DOCK1: variants seen among roughly 807,000 people sequenced by gnomAD.
DOCK1 encodes dedicator of cytokinesis protein 1.
In DOCK1, 138 loss-of-function variants were observed where a neutral mutation model predicts 262.7. The ratio of observed to expected loss-of-function variants is 0.53; its 90% CI spans 0.46 to 0.61. DOCK1 has a LOEUF of 0.61. DOCK1 is among the 20% of genes least tolerant of loss of function. The pLI is 0.00. For synonymous variants in DOCK1, 866 were observed against 867.4 expected (o/e 1.00, Z 0.03); for missense variants, 1,908 against 2,370.7 (o/e 0.80, Z 4.05).
In DOCK1 at chr10:127,167,924, G is replaced by T. The variant is rs561688131; in HGVS notation, c.2847+40160G>T. ...CTCCCTGAATCTTAGCACTTGGAGG[G>T]TTGCTTCCCAGTAGCAAAGTAACCT... On this transcript the variant is annotated intron_variant, in intron 27 of 51. Transcript: ENST00000623213. 7.2e-5 allele frequency among the ~76,000 whole-genome samples: 11 copies of T among 152,294 alleles called. No individual in the cohort carries two copies. The South Asian group carries it at 2.1e-3, about 29-fold the overall frequency.
intron 1 of DOCK1, among the ~76,000 whole-genome samples, chr10:126,922,337 AG>A (rs1035875141): frequency 2.6e-5 from 4 of 152,036 alleles, no homozygotes; most frequent in Admixed American, 2.0e-4. Context: ...TCATGGCAGA[AG>A]GGGAAGGGAG....
chr10:127,354,593 A>G, intron 31 of DOCK1, 76 bp from the exon 32 acceptor site: 1 of 1,569,532 alleles, frequency 6.4e-7, no homozygotes, highest in Non-Finnish European at 8.7e-7. Context: ...CTTTAATTGC[A>G]CTTAAAAATA....
At position 127,361,540 on chromosome 10, in the gene DOCK1, C is replaced by T. The variant is rs530364381; in HGVS notation, c.3284-524C>T. ...ATTTACTTTGATTGGAGTCGTTTGG[C>T]ATGTTGCAGAAATCACCCTGCATTA... On this transcript the variant is annotated intron_variant, in intron 32 of 51. Transcript: ENST00000623213. 2.6e-5 allele frequency among the ~76,000 whole-genome samples: 4 copies of T among 152,232 alleles called. No homozygotes were observed. The East Asian group carries it at 7.7e-4, about 29-fold the overall frequency.
intron 27 of DOCK1, among the ~76,000 whole-genome samples, chr10:127,190,847 C>T (rs151028543): frequency 1.4e-3 from 217 of 152,094 alleles, no homozygotes; most frequent in African/African-American, 4.8e-3. Context: ...CCCAGTGCTA[C>T]TGAGACTGGC....
intron 23 of DOCK1, among the ~76,000 whole-genome samples, chr10:127,101,957 T>A (rs2048279695): frequency 6.6e-6 from 1 of 151,936 alleles, no homozygotes; most frequent in Non-Finnish European, 1.5e-5. Context: ...AAAGCAACAC[T>A]GAGGTTGTGG....
chr10:127,275,846 G>GTAATT (rs2135228410), intron 29 of DOCK1, among the ~76,000 whole-genome samples: 1 of 152,264 alleles, frequency 6.6e-6, no homozygotes, highest in South Asian at 2.1e-4. Context: ...TAGTGAGAAG[G>GTAATT]GGTGCAGAGA....
rs368628631 is a variant in DOCK1, at chr10:127,091,955, C to T, written c.2446-14276C>T. ...GGAACCTGAGGGCCGGGATGAATTT[C>T]AGGATAAAAAGAGCAGACTTAGGGA... On this transcript the variant is annotated intron_variant, in intron 23 of 51. Coordinates refer to ENST00000623213, the MANE Select transcript of DOCK1 (RefSeq NM_001290223.2). Among the ~76,000 whole-genome samples the T allele has an allele frequency of 3.3e-5, 5 of 152,184 alleles. No homozygotes were observed. In the South Asian group the frequency reaches 6.2e-4, roughly 19 times the overall value.
chr10:127,098,945 A>G (rs2048071239), intron 23 of DOCK1, among the ~76,000 whole-genome samples: 2 of 152,188 alleles, frequency 1.3e-5, no homozygotes, highest in Admixed American at 1.3e-4. Context: ...AATCCAAAAC[A>G]CTTGAAACTC....
At chr10:127,206,161 T>TG (rs941053750) in intron 27 of DOCK1, among the ~76,000 whole-genome samples, 1 of 125,756 alleles carries the variant, frequency 8.0e-6, no homozygotes, top group Non-Finnish European at 1.7e-5. Context: ...TTTTTTTTTT[T>TG]GTGACAGAGT....
chr10:126,910,910 C>T (rs574423516), intron 1 of DOCK1, among the ~76,000 whole-genome samples: 2 of 152,268 alleles, frequency 1.3e-5, no homozygotes, highest in Non-Finnish European at 2.9e-5. Context: ...CTTTTCTTTG[C>T]TGAGTATCAT....
rs143515774 is a variant in DOCK1 at position 127,412,966 on chromosome 10, C to T, written c.4428+2042C>T. On this transcript the variant is annotated intron_variant, in intron 43 of 51. Coordinates refer to ENST00000623213, the MANE Select transcript of DOCK1 (RefSeq NM_001290223.2). ...CCTCCAGGACTGGTCACTACAGTGT[C>T]CATTGTCTGCAACAGTGCGGGCAGA... 2.5e-3 allele frequency among the ~76,000 whole-genome samples: 385 copies of T among 152,322 alleles called. 2 individuals carry two copies. The highest frequency in any genetic ancestry group is 0.01 in the Middle Eastern group (3 of 294).
intron 27 of DOCK1, among the ~76,000 whole-genome samples, chr10:127,212,030 AC>A (rs1283414490): frequency 3.2e-4 from 48 of 152,346 alleles, no homozygotes; most frequent in African/African-American, 1.1e-3. Context: ...TTCTTGAAGG[AC>A]TTGATGCTTT....
intron 27 of DOCK1, among the ~76,000 whole-genome samples, chr10:127,179,394 G>T (rs2055498626): frequency 1.3e-5 from 2 of 152,112 alleles, no homozygotes; most frequent in African/African-American, 4.8e-5. Flanking sequence ...GTAATACTTA[G>T]GATTTTTAAT....
intron 29 of DOCK1, among the ~76,000 whole-genome samples, chr10:127,279,740 G>T (rs1362230281): frequency 6.6e-6 from 1 of 152,174 alleles, no homozygotes; most frequent in Non-Finnish European, 1.5e-5. Flanking sequence ...CTGGGCTGCA[G>T]CTCTGTTGGG....
chr10:127,053,234 T>C (rs1312442077), intron 22 of DOCK1, among the ~76,000 whole-genome samples: 1 of 152,076 alleles, frequency 6.6e-6, no homozygotes, highest in Non-Finnish European at 1.5e-5. Flanking sequence ...CCCAGCTACT[T>C]GGGAGGCTGA....
At chr10:127,238,441 C>T (rs552765275) in intron 27 of DOCK1, among the ~76,000 whole-genome samples, 41 of 152,270 alleles carry the variant, frequency 2.7e-4, no homozygotes, top group African/African-American at 9.4e-4. Flanking sequence ...CTCCTCTGGA[C>T]CAACCATTCC....
Position 127,362,882 on chromosome 10 carries a change from T to TGCACATCC in DOCK1, c.3432+670_3432+671insGCACATCC, listed in dbSNP as rs376564994. Reference sequence around the variant, plus strand: ...ACATCCCCACACACACACATACACATCCCCACACACACACACATGTACATC... The same window carrying TGCACATCC: ...ACATCCCCACACACACACATACACATGCACATCCCCCCACACACACACACATGTACATC... On this transcript the variant is annotated intron_variant, in intron 33 of 51. Transcript: ENST00000623213. Among the ~76,000 whole-genome samples the TGCACATCC allele has an allele frequency of 2.2e-3, 8 of 3,602 alleles. 1 individual carries two copies. The highest frequency in any genetic ancestry group is 8.9e-3 in the African/African-American group (8 of 898). The allele number at this position is 3,602 out of a possible 152,430, so 2.4% of individuals were successfully genotyped here.
In DOCK1 at chr10:127,024,794, C is replaced by T. The variant is rs1366114382; in HGVS notation, c.1551+11C>T. On this transcript the variant is annotated intron_variant, in intron 15 of 51. Coordinates refer to ENST00000623213, the MANE Select transcript of DOCK1 (RefSeq NM_001290223.2). ...TTTGAGACTGTTAAGGTATTATTTA[C>T]ATGGTCATTTTATCACATGGCGCTG... 1 of 1,586,622 alleles carries T rather than the reference C, an allele frequency of 6.3e-7. No homozygotes were observed. Among genetic ancestry groups the T allele is most frequent in the Non-Finnish European group, 8.6e-7 (1 of 1,162,674 alleles).
intron 28 of DOCK1, among the ~76,000 whole-genome samples, chr10:127,254,804 T>C (rs2059774142): frequency 6.6e-6 from 1 of 152,196 alleles, no homozygotes; most frequent in Non-Finnish European, 1.5e-5. Flanking sequence ...TCTAAGAGCA[T>C]TGGGAAGCCA....
Sources: allele counts gnomAD v4.1 joint callset (sites outside exome capture counted in the v4.1 genomes callset), GRCh38; gene constraint gnomAD v4.1.1; transcripts MANE v1.5; gene names NCBI Gene and HGNC (gene_info 2026-07-23, HGNC 2026-07-21).